VWA8: variants seen among roughly 807,000 people sequenced by gnomAD.
VWA8 encodes von Willebrand factor A domain-containing protein 8.
Under a neutral mutation model 241.5 loss-of-function variants are expected in VWA8, and 221 were observed. The observed-to-expected ratio is 0.91, with a 90% CI of 0.82 to 1.02. The LOEUF (loss-of-function observed/expected upper bound fraction) is 1.02, where lower values mean the gene tolerates loss of function less well. VWA8 is among the 50% of genes least tolerant of loss of function. VWA8 has a pLI of 0.00. For missense variants in VWA8, 2,322 were observed against 2,328.7 expected, an observed-to-expected ratio of 1.00 and a Z score of 0.06; for synonymous variants, 852 against 827.1, an observed-to-expected ratio of 1.03 and a Z score of -0.52.
intron 20 of VWA8, among the ~76,000 whole-genome samples, chr13:41,776,918 A>G (rs1275051121): frequency 6.6e-6 from 1 of 152,176 alleles, no homozygotes; most frequent in Admixed American, 6.5e-5. Flanking sequence ...GAGAGGCTAA[A>G]TATATAAAGA....
chr13:41,832,211 G>A (rs754313024), intron 13 of VWA8, among the ~76,000 whole-genome samples: 23 of 152,178 alleles, frequency 1.5e-4, no homozygotes, highest in Non-Finnish European at 2.5e-4. Context: ...TGATAGGCGT[G>A]AGCCACTACA....
At chr13:41,710,557 A>T (rs2045309858) in intron 26 of VWA8, among the ~76,000 whole-genome samples, 1 of 152,220 alleles carries the variant, frequency 6.6e-6, no homozygotes, top group African/African-American at 2.4e-5. Context: ...TTGAGATGTC[A>T]TTAAGTAGAC....
At chr13:41,658,818 C>T (rs12872500) in intron 37 of VWA8, among the ~76,000 whole-genome samples, 2,902 of 152,206 alleles carry the variant, frequency 0.019, 55 homozygotes, top group African/African-American at 0.051. Context: ...GGCTATAGGT[C>T]GTGGAGGAAA....
At chr13:41,818,146 A>G (rs2137983087) in intron 15 of VWA8, among the ~76,000 whole-genome samples, 1 of 151,998 alleles carries the variant, frequency 6.6e-6, no homozygotes, top group African/African-American at 2.4e-5. Context: ...GTATTTTAAT[A>G]GAGACGAGGT....
At chr13:41,609,340 C>T (rs912725057) in intron 39 of VWA8, among the ~76,000 whole-genome samples, 6 of 152,002 alleles carry the variant, frequency 3.9e-5, no homozygotes, top group South Asian at 2.1e-4. Flanking sequence ...TTGATGATAG[C>T]GAGGAATTAT....
At chr13:41,863,384 G>GTA (rs151060139) in intron 12 of VWA8, among the ~76,000 whole-genome samples, 2,409 of 135,976 alleles carry the variant, frequency 0.018, 141 homozygotes, top group African/African-American at 0.063. Context: ...GTGTGTGTGT[G>GTA]TATCTCCTAT....
chr13:41,815,274 C>A (rs1309099538), intron 16 of VWA8, among the ~76,000 whole-genome samples: 3 of 152,168 alleles, frequency 2.0e-5, no homozygotes, highest in East Asian at 1.9e-4. Flanking sequence ...TGGAATGAGG[C>A]CCCAGAGGGG....
Position 41,811,093 on chromosome 13 carries a change from C to A in VWA8, c.2063+132G>T, listed in dbSNP as rs1340280284. The A allele has an allele frequency of 2.3e-5, 16 of 702,046 alleles. 1 individual carries two copies. The East Asian group carries it at 4.1e-4, about 18-fold the overall frequency. 43.5% of individuals were successfully genotyped at this position (702,046 alleles called of 1,614,324 possible). A position where few individuals can be genotyped will look rare whatever the true frequency, so the allele number is the denominator to read the frequency against. ...TTAAATAAGTTCTAATCAGTGAAGG[C>A]AAGGCTGAAATAGCTCTACATTCAG... On this transcript the variant is annotated intron_variant, in intron 17 of 44. Transcript: ENST00000379310.
At position 41,883,461 on chromosome 13, in the gene VWA8, C is replaced by A. The variant is rs751391914; in HGVS notation, c.1006G>T (p.Ala336Ser). ...DSFPMMPIKHAIQWLYPYSIL... is the reference protein window; with the variant it reads ...DSFPMMPIKHSIQWLYPYSIL... ...CTATATGGATAAAGCCACTGGATTG[C>A]ATGTTTGATTGGCATCATAGGAAAG... Residue 336 changes from alanine (A) to serine (S), a missense_variant, in exon 9 of 45, where the codon GCA becomes TCA. Physicochemically the swap from Ala to Ser is moderately conservative, Grantham distance 99. Transcript: ENST00000379310. 1 of 1,613,510 alleles carries A rather than the reference C, an allele frequency of 6.2e-7. No homozygotes were observed. The highest frequency in any genetic ancestry group is 8.5e-7 in the Non-Finnish European group (1 of 1,179,640).
intron 12 of VWA8, among the ~76,000 whole-genome samples, chr13:41,835,159 T>C (rs924588868): frequency 7.2e-5 from 11 of 152,108 alleles, no homozygotes; most frequent in African/African-American, 2.7e-4. Flanking sequence ...GGTGATGGGA[T>C]GATCTATGCA....
intron 20 of VWA8, among the ~76,000 whole-genome samples, chr13:41,771,329 G>A (rs1392618273): frequency 3.3e-5 from 5 of 152,078 alleles, no homozygotes; most frequent in Non-Finnish European, 5.9e-5. Flanking sequence ...CACCATGTTG[G>A]CCAGGCTGGT....
intron 17 of VWA8, among the ~76,000 whole-genome samples, chr13:41,802,306 C>T (rs936966274): frequency 6.6e-6 from 1 of 151,886 alleles, no homozygotes; most frequent in Non-Finnish European, 1.5e-5. Context: ...TTTGATCAGC[C>T]CTAGCTAGAG....
chr13:41,633,012 T>C lies in VWA8; in HGVS notation c.4612-17928A>G, dbSNP rs147250409. ...ATTTGTGGTTTTGGGCTTTGAGGCT[T>C]ACTGTGTGAGGGAACCTTCCAGGTT... On this transcript the variant is annotated intron_variant, in intron 37 of 44. Coordinates refer to ENST00000379310, the MANE Select transcript of VWA8 (RefSeq NM_015058.2). 4.6e-5 allele frequency among the ~76,000 whole-genome samples: 7 copies of C among 152,290 alleles called. No individual in the cohort carries two copies. In the East Asian group the frequency reaches 1.3e-3, roughly 29 times the overall value.
At chr13:41,892,085 G>A (rs1383618687) in intron 4 of VWA8, among the ~76,000 whole-genome samples, 1 of 152,146 alleles carries the variant, frequency 6.6e-6, no homozygotes, top group African/African-American at 2.4e-5. Context: ...TGATGATGCT[G>A]ACAACATTAC....
chr13:41,586,816 A>T (rs902157820), intron 42 of VWA8, among the ~76,000 whole-genome samples: 1 of 152,076 alleles, frequency 6.6e-6, no homozygotes, highest in African/African-American at 2.4e-5. Flanking sequence ...AGCATTTCTC[A>T]TGATTGAACT....
At chr13:41,751,719 G>T (rs1222390613) in intron 21 of VWA8, among the ~76,000 whole-genome samples, 22 of 152,144 alleles carry the variant, frequency 1.4e-4, no homozygotes, top group Admixed American at 1.4e-3. Context: ...GTTTCATAAA[G>T]AAACTATGAC....
intron 15 of VWA8, 43 bp from the exon 16 acceptor site, chr13:41,816,818 G>C (rs763972143): frequency 7.1e-7 from 1 of 1,416,560 alleles, no homozygotes; most frequent in Non-Finnish European, 9.9e-7. Context: ...GGAATAAATC[G>C]GGATATCTGA....
At chr13:41,789,298 A>G (rs946680892) in intron 17 of VWA8, among the ~76,000 whole-genome samples, 1 of 152,094 alleles carries the variant, frequency 6.6e-6, no homozygotes, top group African/African-American at 2.4e-5. Context: ...CCTTGGTAAA[A>G]TAAGCAAATA....
intron 2 of VWA8, chr13:41,926,179 T>G (rs1301159217): frequency 3.2e-6 from 2 of 632,896 alleles, no homozygotes; most frequent in Non-Finnish European, 5.7e-6. Context: ...AAGGGTGAGC[T>G]GAGCATCATT....
Sources: allele counts gnomAD v4.1 joint callset (sites outside exome capture counted in the v4.1 genomes callset), GRCh38; gene constraint gnomAD v4.1.1; transcripts MANE v1.5; gene names NCBI Gene and HGNC (gene_info 2026-07-23, HGNC 2026-07-21).